WDR7: variants seen among roughly 807,000 people sequenced by gnomAD.
WDR7 encodes WD repeat domain 7.
A neutral mutation model predicts 169.4 loss-of-function variants in WDR7; 46 were observed. The ratio of observed to expected loss-of-function variants is 0.27; its 90% confidence interval spans 0.21 to 0.35. WDR7 has a LOEUF of 0.35. Among genes scored for constraint, WDR7 ranks in the 10% least tolerant of loss-of-function variants. The probability of loss-of-function intolerance (pLI) is 1.00; values close to 1 mark genes in which losing one functional copy is unlikely to be tolerated. For missense variants in WDR7, 1,534 were observed against 1,859.3 expected, an observed-to-expected ratio of 0.83 and a Z score of 3.22; for synonymous variants, 612 against 666.8, an observed-to-expected ratio of 0.92 and a Z score of 1.27.
At chr18:56,709,110 A>G (rs1043560144) in intron 12 of WDR7, among the ~76,000 whole-genome samples, 2 of 152,220 alleles carry the variant, frequency 1.3e-5, no homozygotes, top group Non-Finnish European at 2.9e-5. Flanking sequence ...AACATAAGAA[A>G]TATTCAGAGA....
At position 56,844,162 on chromosome 18, in the gene WDR7, A is replaced by AT. The variant is rs79337426; in HGVS notation, c.3304+28031dup. On this transcript the variant is annotated intron_variant, in intron 20 of 27. Transcript: ENST00000254442. ...AGGCATGAGCCACCACACTCAATCT[A>AT]TTTTTTTTTTTTTAAATAATAGCAA... 3.5e-3 allele frequency among the ~76,000 whole-genome samples: 507 copies of AT among 145,354 alleles called. 2 individuals are homozygous for AT. The highest frequency in any genetic ancestry group is 6.3e-3 in the African/African-American group (253 of 39,918).
At chr18:56,750,397 T>C (rs1249371644) in intron 14 of WDR7, among the ~76,000 whole-genome samples, 1 of 152,206 alleles carries the variant, frequency 6.6e-6, no homozygotes, top group Non-Finnish European at 1.5e-5. Flanking sequence ...TACTAGCAAA[T>C]TTGAGGTCTT....
intron 26 of WDR7, among the ~76,000 whole-genome samples, chr18:56,996,798 T>C (rs2047905353): frequency 6.6e-6 from 1 of 152,218 alleles, no homozygotes; most frequent in Non-Finnish European, 1.5e-5. Flanking sequence ...AGCAGGATGT[T>C]CCATATCTAC....
intron 20 of WDR7, among the ~76,000 whole-genome samples, chr18:56,828,022 G>C (rs1599079467): frequency 1.3e-5 from 2 of 152,224 alleles, no homozygotes; most frequent in East Asian, 1.9e-4. Flanking sequence ...TAAGTGATTT[G>C]CTTTAATAAC....
At chr18:56,886,648 G>GC (rs1434819023) in intron 21 of WDR7, among the ~76,000 whole-genome samples, 2 of 152,132 alleles carry the variant, frequency 1.3e-5, no homozygotes, top group Non-Finnish European at 2.9e-5. Context: ...AATGTAAATG[G>GC]CCTAAATGCT....
intron 21 of WDR7, among the ~76,000 whole-genome samples, chr18:56,897,002 A>G (rs2118198): frequency 0.82 from 124,316 of 151,720 alleles, 51,373 homozygotes; most frequent in East Asian, 0.98. Context: ...AAATGGATAA[A>G]GGTTGAAAAA....
chr18:56,970,068 T>C (rs1051023627), intron 26 of WDR7, among the ~76,000 whole-genome samples: 1 of 152,138 alleles, frequency 6.6e-6, no homozygotes, highest in African/African-American at 2.4e-5. Flanking sequence ...GTTATAAATA[T>C]ATGTAAAATA....
At chr18:56,968,178 A>G (rs1404976218) in intron 26 of WDR7, among the ~76,000 whole-genome samples, 2 of 151,892 alleles carry the variant, frequency 1.3e-5, no homozygotes, top group Non-Finnish European at 2.9e-5. Flanking sequence ...ATATCAAATT[A>G]TTAAAATAAC....
chr18:56,712,979 C>T (rs2026117316), intron 12 of WDR7, among the ~76,000 whole-genome samples: 1 of 152,068 alleles, frequency 6.6e-6, no homozygotes, highest in Admixed American at 6.6e-5. Context: ...AGTGGGTGAG[C>T]CTCAAGTGGG....
chr18:56,989,783 G>T (rs1015742943), intron 26 of WDR7, among the ~76,000 whole-genome samples: 1 of 151,714 alleles, frequency 6.6e-6, no homozygotes, highest in Non-Finnish European at 1.5e-5. Flanking sequence ...TATTCCCGTA[G>T]GTACAGTTCC....
intron 25 of WDR7, among the ~76,000 whole-genome samples, chr18:56,955,270 T>A (rs2047235579): frequency 6.6e-6 from 1 of 152,128 alleles, no homozygotes; most frequent in Non-Finnish European, 1.5e-5. Flanking sequence ...TCCTAAAATC[T>A]CCCAGACAGG....
chr18:56,794,304 A>ATCTTTTTTTTTTTTTTTTTTTT (rs2044543467), intron 19 of WDR7, among the ~76,000 whole-genome samples: 1 of 49,466 alleles, frequency 2.0e-5, no homozygotes, highest in Non-Finnish European at 3.8e-5. Context: ...GGTAAAGTCT[A>ATCTTTTTTTTTTTTTTTTTTTT]TTTTTTTTTT....
intron 16 of WDR7, among the ~76,000 whole-genome samples, chr18:56,760,141 A>G (rs2043959611): frequency 6.6e-6 from 1 of 152,194 alleles, no homozygotes; most frequent in Non-Finnish European, 1.5e-5. Context: ...TTATGCTTGC[A>G]TGTGTGAAAT....
chr18:56,705,891 G>A (rs146604054), intron 12 of WDR7, among the ~76,000 whole-genome samples: 60 of 152,244 alleles, frequency 3.9e-4, no homozygotes, highest in African/African-American at 1.2e-3. Context: ...CCAGCTACTC[G>A]GGAGGCTGAG....
At chr18:56,901,613 G>T (rs1478332964) in intron 21 of WDR7, among the ~76,000 whole-genome samples, 1 of 152,104 alleles carries the variant, frequency 6.6e-6, no homozygotes, top group East Asian at 1.9e-4. Context: ...CTGTTAACAA[G>T]ATCACATCTT....
At chr18:56,888,031 A>G (rs796422636) in intron 21 of WDR7, among the ~76,000 whole-genome samples, 10 of 152,326 alleles carry the variant, frequency 6.6e-5, no homozygotes, top group African/African-American at 2.2e-4. Flanking sequence ...AGATAAGGCC[A>G]TTAAGATACA....
chr18:56,800,627 G>A (rs908496699), intron 19 of WDR7, among the ~76,000 whole-genome samples: 3 of 152,068 alleles, frequency 2.0e-5, no homozygotes, highest in Admixed American at 6.5e-5. Context: ...AAGACCCAGC[G>A]CCAGACCCTC....
At chr18:56,999,032 A>G (rs755634399) in intron 26 of WDR7, among the ~76,000 whole-genome samples, 7 of 152,156 alleles carry the variant, frequency 4.6e-5, no homozygotes, top group South Asian at 4.1e-4. Flanking sequence ...CCAATTTCCA[A>G]TGTCTGGGGA....
At chr18:56,935,299 AAAT>A (rs1200893764) in intron 22 of WDR7, among the ~76,000 whole-genome samples, 1 of 152,222 alleles carries the variant, frequency 6.6e-6, no homozygotes, top group Non-Finnish European at 1.5e-5. Context: ...TTCAAATGAA[AAAT>A]AATATACAAA....
Sources: gnomAD v4.1 joint callset for allele counts (sites outside exome capture counted in the v4.1 genomes callset) on GRCh38, gnomAD v4.1.1 for gene constraint, MANE v1.5 for transcripts, NCBI Gene and HGNC (gene_info 2026-07-23, HGNC 2026-07-21) for gene names.